The following NUMA1 variants were observed in gnomAD, a reference collection of about 807,000 sequenced individuals.
NUMA1 encodes SP-H antigen.
A neutral mutation model predicts 237.1 loss-of-function variants in NUMA1; 62 were observed. The observed-to-expected ratio is 0.26, with a 90% CI of 0.21 to 0.32. The LOEUF is 0.32. NUMA1 is among the 10% of genes least tolerant of loss of function. The probability of loss-of-function intolerance (pLI) is 1.00; values close to 1 mark genes in which losing one functional copy is unlikely to be tolerated. For missense variants in NUMA1, 2,533 were observed against 2,666.5 expected, an observed-to-expected ratio of 0.95 and a Z score of 1.10; for synonymous variants, 1,028 against 1,066.1, an observed-to-expected ratio of 0.96 and a Z score of 0.70.
At chr11:72,070,086 G>C (rs1261421994) in intron 1 of NUMA1, 175 bp from the exon 2 acceptor site, 1 of 152,340 alleles carries the variant, frequency 6.6e-6, no homozygotes, top group East Asian at 1.9e-4. Context: ...AGAGCAGGAA[G>C]AGTCACTGGG....
intron 13 of NUMA1, chr11:72,016,805 C>T: frequency 2.5e-6 from 1 of 392,918 alleles, no homozygotes; most frequent in Admixed American, 4.3e-5. Context: ...ACCGTATACC[C>T]TTCCTCAGAT....
At chr11:72,019,066 T>G in intron 9 of NUMA1, 86 bp from the exon 10 acceptor site, 152 of 1,474,546 alleles carry the variant, frequency 1.0e-4, no homozygotes, top group Non-Finnish European at 1.3e-4. Flanking sequence ...GAGCGGGGTC[T>G]ATGGAAGTGC....
In NUMA1 at chr11:72,015,825, G is replaced by T. The variant is rs1565216409; in HGVS notation, c.1678C>A (p.Leu560Met). 1 of 1,614,196 alleles carries T rather than the reference G, an allele frequency of 6.2e-7. No homozygotes were observed. The highest frequency in any genetic ancestry group is 8.5e-7 in the Non-Finnish European group (1 of 1,180,046). ...TTCAACTGCTGCTCCTTCTGCTTCA[G>T]GCTACTGCTTAGCTGCTCCACCTGG... ...RHQVEQLSSS[L>M]KQKEQQLKEV... The change falls in exon 15 of 27, where the codon CTG becomes ATG. Residue 560 changes from leucine (L) to methionine (M), a missense_variant. By Grantham distance (15) the Leu-to-Met change is conservative. Transcript: ENST00000393695. This position sits in a 1 kb window ranked among gnomAD's most constrained non-coding sequence, Gnocchi z 4.0.
chr11:72,063,771 G>C (rs1565289612), intron 2 of NUMA1, among the ~76,000 whole-genome samples: 1 of 151,352 alleles, frequency 6.6e-6, no homozygotes, highest in East Asian at 2.0e-4. Flanking sequence ...TTAAAAATTA[G>C]CCAGGTGTGG....
At chr11:72,022,511 C>T (rs900574673) in intron 6 of NUMA1, 92 bp from the exon 7 acceptor site, 19 of 790,666 alleles carry the variant, frequency 2.4e-5, no homozygotes, top group Non-Finnish European at 3.4e-5. Flanking sequence ...TGAGCTATTC[C>T]GGTGACTCTT....
chr11:72,031,998 A>G (rs28540317), intron 3 of NUMA1, among the ~76,000 whole-genome samples: 5 of 6,476 alleles, frequency 7.7e-4, no homozygotes, highest in Non-Finnish European at 3.0e-3. Context: ...AAGAGAGAGA[A>G]AGGAAAAATA....
At chr11:72,008,920 G>T in intron 19 of NUMA1, 47 bp downstream of exon 19, 1 of 1,612,122 alleles carries the variant, frequency 6.2e-7, no homozygotes. Flanking sequence ...AGGGCACAGG[G>T]GTCCAGTGGA....
chr11:72,006,913 G>A lies in NUMA1; in HGVS notation c.5463+276C>T, dbSNP rs114072363. 6.8e-3 allele frequency among the ~76,000 whole-genome samples: 1,035 copies of A among 152,352 alleles called. 2 individuals carry two copies. The highest frequency in any genetic ancestry group is 0.016 in the African/African-American group (652 of 41,586). On this transcript the variant is annotated intron_variant, in intron 21 of 26. Coordinates refer to ENST00000393695, the MANE Select transcript of NUMA1 (RefSeq NM_006185.4). ...GAGGCACAGGATGGGCTGCAGCTTC[G>A]CCACGTTCTCTCCCTTCACCCTGCA...
At position 72,014,093 on chromosome 11, in the gene NUMA1, T is replaced by C. The variant is rs1956333826; in HGVS notation, c.3410A>G (p.Gln1137Arg). 1 of 1,611,212 alleles carries C rather than the reference T, an allele frequency of 6.2e-7. No homozygotes were observed. Among genetic ancestry groups the C allele is most frequent in the Non-Finnish European group, 8.5e-7 (1 of 1,180,012 alleles). Residue 1137 changes from glutamine to arginine, a missense_variant, in exon 15 of 27, where the codon CAG becomes CGG. Physicochemically the swap from Gln to Arg is conservative, Grantham distance 43 (BLOSUM62 1). Coordinates refer to ENST00000393695, the MANE Select transcript of NUMA1 (RefSeq NM_006185.4). This position sits in a 1 kb window ranked among gnomAD's most constrained non-coding sequence, Gnocchi z 4.6. The stretch of plus-strand genomic sequence containing the variant: ...GCTGTCAGCCTGCTCCTGCTGCTTC[T>C]GGCATTGCTGTTCCAGCTTGCTCAC... ...AEVSKLEQQC[Q>R]KQQEQADSLE...
In NUMA1 at chr11:72,014,678, G is replaced by A. The variant is rs775958550; in HGVS notation, c.2825C>T (p.Ala942Val). 1.9e-5 allele frequency: 31 copies of A among 1,613,184 alleles called. 1 individual carries two copies. The highest frequency in any genetic ancestry group is 1.7e-4 in the African/African-American group (13 of 74,940). ...TASRELVKEP[A>V]RAGDRQPEWL... Reference sequence around the variant, plus strand: ...CTCGGGCTGTCTGTCTCCTGCCCTCGCAGGCTCCTTGACTAACTCCCGGGA... The same window carrying A: ...CTCGGGCTGTCTGTCTCCTGCCCTCACAGGCTCCTTGACTAACTCCCGGGA... The change falls in exon 15 of 27, where the codon GCG becomes GTG. Residue 942 changes from alanine to valine, a missense_variant. This residue lies in a region of NUMA1 where 1,414 missense variants were observed against 1,508.1 expected (regional missense o/e 0.94). Transcript: ENST00000393695. This position sits in a 1 kb window ranked among gnomAD's most constrained non-coding sequence, Gnocchi z 4.6.
intron 20 of NUMA1, 192 bp from the exon 21 acceptor site, chr11:72,007,627 C>T (rs1399988786): frequency 4.5e-6 from 3 of 664,382 alleles, no homozygotes; most frequent in African/African-American, 3.7e-5. Flanking sequence ...CCCCTGGCTT[C>T]TCCTAATAGC....
intron 1 of NUMA1, among the ~76,000 whole-genome samples, chr11:72,075,138 G>A (rs576924372): frequency 1.3e-5 from 2 of 152,236 alleles, no homozygotes; most frequent in South Asian, 4.1e-4. Context: ...GCCTAGAAGT[G>A]CTCAGAAAAA....
chr11:72,005,890 G>A, intron 22 of NUMA1, 145 bp downstream of exon 22: 1 of 697,166 alleles, frequency 1.4e-6, no homozygotes, highest in South Asian at 1.9e-5. Flanking sequence ...AAGGCCCTGA[G>A]GCTGCAGGAA....
At chr11:72,023,866 G>A (rs1380328872) in intron 5 of NUMA1, among the ~76,000 whole-genome samples, 1 of 152,160 alleles carries the variant, frequency 6.6e-6, no homozygotes, top group East Asian at 1.9e-4. Flanking sequence ...ATGTGCCTCT[G>A]CCCCTACACC....
At chr11:72,005,107 GAA>G in intron 23 of NUMA1, 124 bp downstream of exon 23, 1 of 1,132,014 alleles carries the variant, frequency 8.8e-7, no homozygotes, top group Non-Finnish European at 1.2e-6. Flanking sequence ...GGAAACATGA[GAA>G]GGTCACCCTC....
At chr11:72,038,758 C>T (rs1427837415) in intron 2 of NUMA1, among the ~76,000 whole-genome samples, 4 of 152,046 alleles carry the variant, frequency 2.6e-5, no homozygotes, top group Non-Finnish European at 2.9e-5. Flanking sequence ...TGCTGAGATC[C>T]ACCCCAGCTG....
In NUMA1 at chr11:72,065,004, C is replaced by A. The variant is rs561073323; in HGVS notation, c.-33+4838G>T. 2.0e-5 allele frequency among the ~76,000 whole-genome samples: 3 copies of A among 152,190 alleles called. No individual in the cohort carries two copies. In the East Asian group the frequency reaches 5.8e-4, roughly 29 times the overall value. ...GTATGTATACGTGTAAGGAAGTATA[C>A]CAAATAATGTTCATTTCTGAGTTGT... On this transcript the variant is annotated intron_variant, in intron 2 of 26. Transcript: ENST00000393695.
At chr11:72,065,832 A>C (rs1943172826) in intron 2 of NUMA1, 1 of 152,210 alleles carries the variant, frequency 6.6e-6, no homozygotes, top group East Asian at 1.9e-4. Context: ...CAGTGAGCTC[A>C]GTTTAAAGGG....
intron 1 of NUMA1, among the ~76,000 whole-genome samples, chr11:72,072,507 A>G (rs1411450747): frequency 6.6e-6 from 1 of 152,190 alleles, no homozygotes; most frequent in Admixed American, 6.5e-5. Flanking sequence ...CTGGCCCTTC[A>G]ATAGGACAGA....
Sources: allele counts gnomAD v4.1 joint callset (sites outside exome capture counted in the v4.1 genomes callset), GRCh38; gene constraint gnomAD v4.1.1; regional missense constraint gnomAD v4.1.1; non-coding constraint Gnocchi (gnomAD v3.1); transcripts MANE v1.5; gene names NCBI Gene and HGNC (gene_info 2026-07-23, HGNC 2026-07-21).